BOK: variants seen among roughly 807,000 people sequenced by gnomAD.
BOK encodes bcl-2-related ovarian killer protein.
In BOK, 20 loss-of-function variants were observed where a neutral mutation model predicts 18.3. That is an observed-to-expected ratio of 1.09 (90% confidence interval 0.77 to 1.59). The LOEUF (loss-of-function observed/expected upper bound fraction) is 1.59, where lower values mean the gene tolerates loss of function less well. Among genes scored for constraint, BOK ranks in the 40% most tolerant of loss-of-function variants. The pLI is 0.00. For synonymous variants in BOK, 173 were observed against 142.4 expected (o/e 1.21, Z -1.53); for missense variants, 348 against 307.9 (o/e 1.13, Z -0.97).
chr2:241,558,085 G>A (rs1210585989), upstream of BOK, among the ~76,000 whole-genome samples: 3 of 42,040 alleles, frequency 7.1e-5, no homozygotes, highest in Non-Finnish European at 1.3e-4. Context: ...ACACTCTTCA[G>A]CTGATTTATG....
intron 3 of BOK, among the ~76,000 whole-genome samples, chr2:241,565,753 A>G (rs1013775576): frequency 7.2e-5 from 11 of 152,212 alleles, no homozygotes; most frequent in Non-Finnish European, 1.5e-4. Context: ...CTCCAGCCCC[A>G]GGAGACTCCC....
chr2:241,568,562 C>T (rs754742345), intron 3 of BOK, among the ~76,000 whole-genome samples: 12 of 152,130 alleles, frequency 7.9e-5, no homozygotes, highest in Non-Finnish European at 1.2e-4. Flanking sequence ...GGATTACAGG[C>T]GCCCACCACC....
chr2:241,566,718 C>G (rs1166512627), intron 3 of BOK, among the ~76,000 whole-genome samples: 1 of 136,718 alleles, frequency 7.3e-6, no homozygotes, highest in Non-Finnish European at 1.6e-5. Context: ...CAGCCCTTTT[C>G]CTGCCACCTC....
At chr2:241,569,276 C>CAT (rs2066666210) in intron 3 of BOK, among the ~76,000 whole-genome samples, 1 of 151,782 alleles carries the variant, frequency 6.6e-6, no homozygotes. Flanking sequence ...GGATTATAGG[C>CAT]GCGTGCCACC....
chr2:241,568,432 T>C (rs1028866964), intron 3 of BOK, among the ~76,000 whole-genome samples: 1 of 151,108 alleles, frequency 6.6e-6, no homozygotes, highest in African/African-American at 2.4e-5. Context: ...TTATTTATTT[T>C]TTTGAGATAG....
chr2:241,560,984 C>T (rs2066518917), intron 2 of BOK, among the ~76,000 whole-genome samples: 1 of 152,188 alleles, frequency 6.6e-6, no homozygotes, highest in Admixed American at 6.5e-5. Context: ...GGGTTGTGTC[C>T]CCACCTTCAG....
intron 2 of BOK, 31 bp downstream of exon 2, chr2:241,559,734 C>G (rs2066497509): frequency 3.9e-6 from 5 of 1,284,808 alleles, no homozygotes; most frequent in East Asian, 3.2e-5. Flanking sequence ...TCCCCAGCTG[C>G]GCCTCCTCCC....
At chr2:241,552,987 C>T (rs1467507478) in intron 1 of BOK, among the ~76,000 whole-genome samples, 1 of 152,190 alleles carries the variant, frequency 6.6e-6, no homozygotes, top group Non-Finnish European at 1.5e-5. Flanking sequence ...AAAGGACCAT[C>T]TGAAGGCCAC....
intron 3 of BOK, 21 bp from the exon 4 acceptor site, chr2:241,570,104 T>C (rs913016552): frequency 4.2e-5 from 67 of 1,606,542 alleles, no homozygotes; most frequent in Non-Finnish European, 5.5e-5. Flanking sequence ...GTCCTGATCT[T>C]GACCATCTCT....
In BOK at chr2:241,562,489, T is replaced by G. The variant is rs767512953; in HGVS notation, c.349+13T>G. Reference sequence around the variant, plus strand: ...ATCTTCTCTGCAGGTATGCCCAGCCTGCCCGTCCCATGGGACCTCAGGGAG... The same window carrying G: ...ATCTTCTCTGCAGGTATGCCCAGCCGGCCCGTCCCATGGGACCTCAGGGAG... On this transcript the variant is annotated intron_variant, in intron 3 of 4. Transcript: ENST00000318407. The surrounding 1 kb of genome is among the most constrained non-coding windows in gnomAD (Gnocchi z 4.5). 6.2e-7 allele frequency: 1 copy of G among 1,601,676 alleles called. No individual in the cohort carries two copies. The highest frequency in any genetic ancestry group is 1.3e-5 in the African/African-American group (1 of 74,734).
At chr2:241,564,497 G>A (rs1003069838) in intron 3 of BOK, among the ~76,000 whole-genome samples, 1 of 151,874 alleles carries the variant, frequency 6.6e-6, no homozygotes, top group Admixed American at 6.6e-5. Context: ...GCGTGTCATG[G>A]GGCAGACCTG....
chr2:241,559,351 G>C (rs1482690710), intron 1 of BOK, 104 bp from the exon 2 acceptor site: 1 of 613,246 alleles, frequency 1.6e-6, no homozygotes, highest in Non-Finnish European at 2.4e-6. Flanking sequence ...AGCGGACCCG[G>C]CGCCGGCTAC....
At chr2:241,565,714 A>G (rs994783828) in intron 3 of BOK, among the ~76,000 whole-genome samples, 7 of 152,208 alleles carry the variant, frequency 4.6e-5, no homozygotes, top group Middle Eastern at 3.4e-3. Context: ...TGAGGGCTGC[A>G]GGGCAGGGCT....
intron 1 of BOK, among the ~76,000 whole-genome samples, 153 bp from the exon 2 acceptor site, chr2:241,559,302 G>A (rs2066486410): frequency 6.6e-6 from 1 of 151,806 alleles, no homozygotes; most frequent in Non-Finnish European, 1.5e-5. Context: ...GAAAGAAGGT[G>A]GCGCTGGGTT....
intron 3 of BOK, among the ~76,000 whole-genome samples, chr2:241,569,492 G>A (rs1267289826): frequency 6.6e-6 from 1 of 152,236 alleles, no homozygotes; most frequent in Non-Finnish European, 1.5e-5. Flanking sequence ...GGTTATTAAT[G>A]AAGGTAAACA....
At chr2:241,564,261 G>A (rs1295805333) in intron 3 of BOK, among the ~76,000 whole-genome samples, 1 of 152,216 alleles carries the variant, frequency 6.6e-6, no homozygotes, top group Admixed American at 6.5e-5. Context: ...ACCACACCTG[G>A]GGAGGGGCAG....
At position 241,559,692 on chromosome 2, in the gene BOK, T is replaced by G; in HGVS notation, c.209T>G (p.Leu70Arg). The G allele has an allele frequency of 1.5e-6, 2 of 1,330,486 alleles. No homozygotes were observed. Among genetic ancestry groups the G allele is most frequent in the Non-Finnish European group, 1.9e-6 (2 of 1,046,774 alleles). The allele number at this position is 1,330,486 out of a possible 1,614,324, so 82.4% of individuals were successfully genotyped here. ...CGCCTGGCTGAGGTGTGCGCGGTGC[T>G]GCTGCGCCTGGGTGAGTGCGCCCTG... is the stretch of plus-strand genomic sequence containing the variant. ...PGRLAEVCAV[L>R]LRLGDELEMI... Residue 70 changes from leucine (L) to arginine (R), a missense_variant, in exon 2 of 5, where the codon CTG becomes CGG. Physicochemically the swap from Leu to Arg is moderately radical, Grantham distance 102 (BLOSUM62 -2). Coordinates refer to ENST00000318407, the MANE Select transcript of BOK (RefSeq NM_032515.5).
intron 3 of BOK, among the ~76,000 whole-genome samples, chr2:241,566,198 C>T (rs533620028): frequency 6.6e-6 from 1 of 152,012 alleles, no homozygotes; most frequent in East Asian, 1.9e-4. Context: ...ACAGGAGAAT[C>T]GCTTGAACCC....
chr2:241,570,151 C>T lies in BOK; in HGVS notation c.376C>T (p.Leu126=). The T allele has an allele frequency of 6.2e-7, 1 of 1,611,774 alleles. No homozygotes were observed. Among genetic ancestry groups the T allele is most frequent in the South Asian group, 1.1e-5 (1 of 90,994 alleles). The change falls in exon 4 of 5, where the codon CTG becomes TTG. Residue 126 remains leucine (L), a synonymous_variant. Transcript: ENST00000318407. ...AGITWGKVVS[L]YAVAAGLAVD... ...CATCACGTGGGGCAAGGTGGTGTCC[C>T]TGTATGCGGTGGCCGCGGGGCTGGC... is the stretch of plus-strand genomic sequence containing the variant.
Sources: allele counts gnomAD v4.1 joint callset (sites outside exome capture counted in the v4.1 genomes callset), GRCh38; gene constraint gnomAD v4.1.1; non-coding constraint Gnocchi (gnomAD v3.1); transcripts MANE v1.5; gene names NCBI Gene and HGNC (gene_info 2026-07-23, HGNC 2026-07-21).